MED13L: variants seen among roughly 807,000 people sequenced by gnomAD.
MED13L encodes mediator complex subunit 13L, also known as mediator of RNA polymerase II transcription subunit 13-like.
In MED13L, 7 loss-of-function variants were observed where a neutral mutation model predicts 220.9. That is an observed-to-expected ratio of 0.03 (90% CI 0.02 to 0.06). MED13L has a LOEUF of 0.06. Among genes scored for constraint, MED13L ranks in the 10% least tolerant of loss-of-function variants. MED13L has a pLI of 1.00. For missense variants in MED13L, 1,965 were observed against 2,760.5 expected, an observed-to-expected ratio of 0.71 and a Z score of 6.46; for synonymous variants, 1,011 against 1,015.2, an observed-to-expected ratio of 1.00 and a Z score of 0.08.
In MED13L at chr12:116,015,236, C is replaced by T; in HGVS notation, c.1048G>A (p.Val350Ile). The change falls in exon 8 of 31, where the codon GTT (valine) becomes ATT (isoleucine). Residue 350 changes from valine to isoleucine, a missense_variant. This residue lies in a region of MED13L where 818 missense variants were observed against 1,041.2 expected (regional missense o/e 0.79). Transcript: ENST00000281928. ...GGMQSAASHL[V>I]SQDGGMITMH... ...GTTATCATCCCTCCATCTTGGGAAA[C>T]CAGGTGACTGGCAGCACTCTGCATA... The T allele has an allele frequency of 6.2e-7, 1 of 1,613,924 alleles. No homozygotes were observed. The highest frequency in any genetic ancestry group is 8.5e-7 in the Non-Finnish European group (1 of 1,179,872).
At chr12:116,131,134 T>TA (rs1208009934) in intron 2 of MED13L, among the ~76,000 whole-genome samples, 7 of 151,732 alleles carry the variant, frequency 4.6e-5, no homozygotes, top group East Asian at 3.9e-4. Flanking sequence ...CTCTGGGGGG[T>TA]AAAAAATCTC....
At chr12:116,095,374 T>C (rs901007709) in intron 4 of MED13L, among the ~76,000 whole-genome samples, 3 of 152,210 alleles carry the variant, frequency 2.0e-5, no homozygotes, top group African/African-American at 4.8e-5. Flanking sequence ...AAGAAGTTTA[T>C]GGTGATTTGA....
intron 28 of MED13L, among the ~76,000 whole-genome samples, chr12:115,968,503 C>A (rs566145603): frequency 6.6e-6 from 1 of 152,328 alleles, no homozygotes; most frequent in South Asian, 2.1e-4. Flanking sequence ...GCACGGCAGG[C>A]TCCTTTCAGA....
chr12:116,151,615 G>A (rs528704054), intron 2 of MED13L, among the ~76,000 whole-genome samples: 29 of 152,268 alleles, frequency 1.9e-4, no homozygotes, highest in African/African-American at 6.7e-4. Context: ...TGGACCTAAA[G>A]GCAGGAATAA....
At chr12:116,276,903 G>C (rs892954828) in intron 1 of MED13L, 157 bp downstream of exon 1, 2 of 983,160 alleles carry the variant, frequency 2.0e-6, no homozygotes, top group South Asian at 1.4e-5. Flanking sequence ...AGAGAGAGAC[G>C]ATCCAAAAGG....
At chr12:116,062,569 C>T (rs1869597415) in intron 4 of MED13L, among the ~76,000 whole-genome samples, 1 of 148,952 alleles carries the variant, frequency 6.7e-6, no homozygotes, top group African/African-American at 2.5e-5. Context: ...CTCACTGCAA[C>T]CTCCACCTCC....
At chr12:116,265,527 C>T (rs1464470470) in intron 1 of MED13L, among the ~76,000 whole-genome samples, 1 of 152,220 alleles carries the variant, frequency 6.6e-6, no homozygotes, top group Non-Finnish European at 1.5e-5. Flanking sequence ...GTTTTAGTTT[C>T]ATATCCCATC....
rs761783150 is a variant in MED13L, at chr12:116,193,064, G to A, written c.310+44404C>T. Among the ~76,000 whole-genome samples the A allele has an allele frequency of 1.3e-3, 191 of 152,176 alleles. 4 individuals are homozygous for A. The highest frequency in any genetic ancestry group is 4.3e-4 in the Non-Finnish European group (29 of 68,036). On this transcript the variant is annotated intron_variant, in intron 2 of 30. Transcript: ENST00000281928. ...AATCGCCTGAACTGGGGAGGCGGAGGTTCGCAGTGAGCCGAGATCATGCCA... is the reference window on the plus strand; with the variant it reads ...AATCGCCTGAACTGGGGAGGCGGAGATTCGCAGTGAGCCGAGATCATGCCA...
intron 4 of MED13L, among the ~76,000 whole-genome samples, chr12:116,075,171 G>A (rs1015771828): frequency 2.6e-5 from 4 of 152,120 alleles, no homozygotes; most frequent in Non-Finnish European, 5.9e-5. Flanking sequence ...GGGGAAATAC[G>A]GTATTTATTA....
intron 4 of MED13L, among the ~76,000 whole-genome samples, chr12:116,073,727 T>C (rs760150303): frequency 2.0e-5 from 3 of 152,216 alleles, no homozygotes; most frequent in Admixed American, 2.0e-4. Flanking sequence ...TTTCCAAACA[T>C]ATGTCAGTAA....
At chr12:115,994,248 C>A (rs1878256459) in intron 16 of MED13L, among the ~76,000 whole-genome samples, 1 of 152,076 alleles carries the variant, frequency 6.6e-6, no homozygotes, top group South Asian at 2.1e-4. Context: ...GAGTTCAGGA[C>A]CAGTGTCGGC....
chr12:116,088,192 G>C (rs910242989), intron 4 of MED13L, among the ~76,000 whole-genome samples: 3 of 152,058 alleles, frequency 2.0e-5, no homozygotes, highest in Non-Finnish European at 4.4e-5. Flanking sequence ...GTAGCATAGG[G>C]CAGACTGAAC....
At chr12:115,972,660 ATTG>A (rs1308580670) in intron 25 of MED13L, among the ~76,000 whole-genome samples, 1 of 152,160 alleles carries the variant, frequency 6.6e-6, no homozygotes, top group East Asian at 1.9e-4. Flanking sequence ...AGTTTTGTTT[ATTG>A]TTGTAGGTTA....
chr12:116,266,655 T>C (rs1244309989), intron 1 of MED13L, among the ~76,000 whole-genome samples: 3 of 152,318 alleles, frequency 2.0e-5, no homozygotes, highest in Middle Eastern at 6.8e-3. Flanking sequence ...TTAAGTACAA[T>C]ATACAAGGTA....
At chr12:115,977,302 A>G (rs1440352118) in intron 23 of MED13L, among the ~76,000 whole-genome samples, 1 of 152,246 alleles carries the variant, frequency 6.6e-6, no homozygotes, top group Non-Finnish European at 1.5e-5. Context: ...TAAAGCTAAA[A>G]GAGACTTTGA....
At chr12:115,963,925 ACATTAAAAAAAAATAGCTGGG>A (rs993054391) in intron 29 of MED13L, among the ~76,000 whole-genome samples, 1 of 152,064 alleles carries the variant, frequency 6.6e-6, no homozygotes, top group African/African-American at 2.4e-5. Context: ...TCTCTATAAA[ACATTAAAAAAAAATAGCTGGG>A]CATGGTGGTG....
intron 29 of MED13L, among the ~76,000 whole-genome samples, chr12:115,964,004 T>A (rs1448540857): frequency 1.3e-5 from 2 of 152,120 alleles, no homozygotes; most frequent in Non-Finnish European, 2.9e-5. Flanking sequence ...GGAAGATTGC[T>A]TGAGCCTGGG....
intron 30 of MED13L, among the ~76,000 whole-genome samples, chr12:115,962,935 G>T (rs1875869803): frequency 6.6e-6 from 1 of 152,076 alleles, no homozygotes; most frequent in Admixed American, 6.5e-5. Context: ...GCAGGAGAAT[G>T]GCATGAACCC....
At chr12:116,097,489 T>A (rs1466707239) in intron 3 of MED13L, among the ~76,000 whole-genome samples, 1 of 152,202 alleles carries the variant, frequency 6.6e-6, no homozygotes, top group South Asian at 2.1e-4. Flanking sequence ...TTTTATTTTT[T>A]ATTTTTTGGC....
Sources: allele counts gnomAD v4.1 joint callset (sites outside exome capture counted in the v4.1 genomes callset), GRCh38; gene constraint gnomAD v4.1.1; regional missense constraint gnomAD v4.1.1; transcripts MANE v1.5; gene names NCBI Gene and HGNC (gene_info 2026-07-23, HGNC 2026-07-21).